Variants in FAM3C observed in about 807,000 individuals in gnomAD.
The protein encoded by FAM3C is FAM3 metabolism regulating signaling molecule C, also known as protein FAM3C.
A neutral mutation model predicts 32.5 loss-of-function variants in FAM3C; 15 were observed. That is an observed-to-expected ratio of 0.46 (90% CI 0.31 to 0.71). The LOEUF (loss-of-function observed/expected upper bound fraction) is 0.71, where lower values mean the gene tolerates loss of function less well. Ranked by LOEUF, FAM3C falls within the 30% of genes least tolerant of loss-of-function variation. FAM3C has a pLI of 0.05. For synonymous variants in FAM3C, 75 were observed against 86.1 expected (o/e 0.87, Z 0.72); for missense variants, 175 against 274.4 (o/e 0.64, Z 2.56).
chr7:121,377,465 T>C (rs1465651312), intron 3 of FAM3C, among the ~76,000 whole-genome samples: 1 of 152,206 alleles, frequency 6.6e-6, no homozygotes, highest in Non-Finnish European at 1.5e-5. Flanking sequence ...GACCAAAATA[T>C]GGTTTCTAGG....
rs543658721 is a variant in FAM3C, at chr7:121,375,554, A to C, written c.118+3356T>G. On this transcript the variant is annotated intron_variant, in intron 3 of 9. Coordinates refer to ENST00000359943, the MANE Select transcript of FAM3C (RefSeq NM_014888.3). The stretch of plus-strand genomic sequence containing the variant: ...AGATAGGCAGATATCAGAGATGAGA[A>C]GAGAAAGGAACATCACTATGATGTT... Among the ~76,000 whole-genome samples, 62 of 152,326 alleles carry C rather than the reference A, an allele frequency of 4.1e-4. No homozygotes were observed. In the South Asian group the frequency reaches 0.012, roughly 30 times the overall value.
rs1269988449 is a variant in FAM3C, at chr7:121,349,403, T to G, written c.*1058A>C. 1 of 152,330 alleles carries G rather than the reference T, an allele frequency of 6.6e-6. No homozygotes were observed. Among genetic ancestry groups the G allele is most frequent in the East Asian group, 1.9e-4 (1 of 5,192 alleles). 9.4% of individuals were successfully genotyped at this position (152,330 alleles called of 1,614,324 possible). A position where few individuals can be genotyped will look rare whatever the true frequency, so the allele number is the denominator to read the frequency against. On this transcript the variant is annotated 3_prime_UTR_variant, in exon 10 of 10. Coordinates refer to ENST00000359943, the MANE Select transcript of FAM3C (RefSeq NM_014888.3). The stretch of plus-strand genomic sequence containing the variant: ...AAAAGATAGATCTTCTATATTTTTA[T>G]GTAGAATTGGGTATAAAGTCATTTG...
intron 3 of FAM3C, among the ~76,000 whole-genome samples, chr7:121,373,919 C>T (rs1584700549): frequency 6.6e-6 from 1 of 151,110 alleles, no homozygotes; most frequent in Admixed American, 6.6e-5. Flanking sequence ...TGGCGTGAAC[C>T]CGCGAGGTGG....
intron 1 of FAM3C, among the ~76,000 whole-genome samples, chr7:121,388,659 C>T (rs1562894105): frequency 6.6e-6 from 1 of 151,988 alleles, no homozygotes; most frequent in Non-Finnish European, 1.5e-5. Flanking sequence ...ATGATCTATG[C>T]CTAGATTTTT....
rs1357253730 is a variant in FAM3C, at chr7:121,349,402, A to T, written c.*1059T>A. The T allele has an allele frequency of 6.6e-6, 1 of 152,204 alleles. No individual in the cohort carries two copies. The highest frequency in any genetic ancestry group is 1.5e-5 in the Non-Finnish European group (1 of 68,024). The allele number at this position is 152,204 out of a possible 1,614,324, so 9.4% of individuals were successfully genotyped here. A position where few individuals can be genotyped will look rare whatever the true frequency, so the allele number is the denominator to read the frequency against. The stretch of plus-strand genomic sequence containing the variant: ...AAAAAGATAGATCTTCTATATTTTT[A>T]TGTAGAATTGGGTATAAAGTCATTT... On this transcript the variant is annotated 3_prime_UTR_variant, in exon 10 of 10. Coordinates refer to ENST00000359943, the MANE Select transcript of FAM3C (RefSeq NM_014888.3).
intron 1 of FAM3C, among the ~76,000 whole-genome samples, chr7:121,392,219 G>GT (rs1794590592): frequency 6.6e-6 from 1 of 152,106 alleles, no homozygotes; most frequent in African/African-American, 2.4e-5. Context: ...GTATTAGTCC[G>GT]TTTTTGCACT....
At chr7:121,358,156 T>C (rs1021038620) in intron 8 of FAM3C, among the ~76,000 whole-genome samples, 1 of 152,138 alleles carries the variant, frequency 6.6e-6, no homozygotes, top group East Asian at 1.9e-4. Context: ...ATATTCTTAG[T>C]TGAACCAGAT....
rs375310349 is a variant in FAM3C at position 121,382,965 on chromosome 7, C to T, written c.5G>A (p.Arg2Lys). The change falls in exon 2 of 10, where the codon AGG becomes AAG. Residue 2 changes from arginine to lysine, a missense_variant. Coordinates refer to ENST00000359943, the MANE Select transcript of FAM3C (RefSeq NM_014888.3). ...TAAATTAAATATCTTACCTGCTACCCTCATGTTTGGTTTTTCAGTTTATGG... is the reference window on the plus strand; with the variant it reads ...TAAATTAAATATCTTACCTGCTACCTTCATGTTTGGTTTTTCAGTTTATGG... MRVAGAAKLVVA... is the reference protein window; with the variant it reads MKVAGAAKLVVA... 1 of 1,601,886 alleles carries T rather than the reference C, an allele frequency of 6.2e-7. No individual in the cohort carries two copies. Among genetic ancestry groups the T allele is most frequent in the Non-Finnish European group, 8.5e-7 (1 of 1,172,438 alleles).
chr7:121,387,233 C>G (rs1289908462), intron 1 of FAM3C, among the ~76,000 whole-genome samples: 1 of 151,782 alleles, frequency 6.6e-6, no homozygotes, highest in Admixed American at 6.6e-5. Flanking sequence ...AATGTGAAAA[C>G]CAGTTTTGGC....
intron 7 of FAM3C, chr7:121,362,679 T>C (rs1020528839): frequency 5.2e-5 from 25 of 483,600 alleles, no homozygotes; most frequent in Non-Finnish European, 9.0e-5. Flanking sequence ...ATTACTATCT[T>C]CAATTATACA....
intron 3 of FAM3C, among the ~76,000 whole-genome samples, chr7:121,373,113 T>C (rs530927315): frequency 3.9e-5 from 6 of 152,280 alleles, no homozygotes; most frequent in South Asian, 2.1e-4. Flanking sequence ...AGAAACCTTA[T>C]CTACACTTTA....
At position 121,387,891 on chromosome 7, in the gene FAM3C, T is replaced by C. The variant is rs544498293; in HGVS notation, c.-41-4881A>G. The stretch of plus-strand genomic sequence containing the variant: ...TAGCTTTAAAAAACCTTGTCTTTAA[T>C]AACAAGTTATTACTATTGCACATGC... On this transcript the variant is annotated intron_variant, in intron 1 of 9. Coordinates refer to ENST00000359943, the MANE Select transcript of FAM3C (RefSeq NM_014888.3). 3.3e-5 allele frequency among the ~76,000 whole-genome samples: 5 copies of C among 152,232 alleles called. No individual in the cohort carries two copies. The South Asian group carries it at 1.0e-3, about 32-fold the overall frequency.
intron 1 of FAM3C, among the ~76,000 whole-genome samples, chr7:121,394,601 CTCT>C (rs1349477721): frequency 6.6e-6 from 1 of 152,200 alleles, no homozygotes; most frequent in Non-Finnish European, 1.5e-5. Flanking sequence ...TTGGCTCCAA[CTCT>C]TCTTATTTCT....
Position 121,351,323 on chromosome 7 carries a change from T to TACTG in FAM3C, c.468-58_468-55dup, listed in dbSNP as rs1793702216. 2.1e-5 allele frequency: 32 copies of TACTG among 1,502,914 alleles called. No individual in the cohort carries two copies. In the East Asian group the frequency reaches 7.4e-4, roughly 35 times the overall value. The allele number at this position is 1,502,914 out of a possible 1,614,324, so 93.1% of individuals were successfully genotyped here. On this transcript the variant is annotated intron_variant, in intron 8 of 9. Coordinates refer to ENST00000359943, the MANE Select transcript of FAM3C (RefSeq NM_014888.3). ...ATAAACAGAGGGAACTGTATGCTAA[T>TACTG]ACTGGTTCACTGGGATATTAACACA...
intron 1 of FAM3C, among the ~76,000 whole-genome samples, chr7:121,387,916 C>G (rs766207275): frequency 6.6e-6 from 1 of 152,044 alleles, no homozygotes; most frequent in Non-Finnish European, 1.5e-5. Context: ...ATTGCACATG[C>G]AGACGGCTGT....
At chr7:121,351,644 T>G (rs1305207279) in intron 8 of FAM3C, 1 of 164,732 alleles carries the variant, frequency 6.1e-6, no homozygotes, top group Non-Finnish European at 1.3e-5. Context: ...TTAATCTTTT[T>G]GAATCTCCAC....
At chr7:121,350,630 CA>C in intron 9 of FAM3C, 80 bp from the exon 10 acceptor site, 1 of 1,382,396 alleles carries the variant, frequency 7.2e-7, no homozygotes, top group Non-Finnish European at 1.0e-6. Context: ...ACACACTTCT[CA>C]TTTCAGTAAT....
intron 1 of FAM3C, among the ~76,000 whole-genome samples, chr7:121,388,459 A>G (rs953180514): frequency 5.3e-5 from 8 of 152,130 alleles, no homozygotes; most frequent in African/African-American, 9.7e-5. Context: ...TATGAATTCT[A>G]TAATACTAGG....
At chr7:121,359,992 C>T (rs780753250) in intron 8 of FAM3C, 51 bp downstream of exon 8, 19 of 947,752 alleles carry the variant, frequency 2.0e-5, no homozygotes, top group East Asian at 1.4e-4. Flanking sequence ...AAATGTATTG[C>T]TTTTATAATT....
Sources: allele counts gnomAD v4.1 joint callset (sites outside exome capture counted in the v4.1 genomes callset), GRCh38; gene constraint gnomAD v4.1.1; transcripts MANE v1.5; gene names NCBI Gene and HGNC (gene_info 2026-07-23, HGNC 2026-07-21).